SPAG6: variants seen among roughly 807,000 people sequenced by gnomAD.
The protein encoded by SPAG6 is sperm associated antigen 6.
Under a neutral mutation model 58.5 loss-of-function variants are expected in SPAG6, and 49 were observed. The observed-to-expected ratio is 0.84, with a 90% CI of 0.67 to 1.06. The LOEUF (loss-of-function observed/expected upper bound fraction) is 1.06. SPAG6 is among the 50% of genes least tolerant of loss of function. SPAG6 has a pLI of 0.00. For synonymous variants in SPAG6, 233 were observed against 225.6 expected (o/e 1.03, Z -0.29); for missense variants, 560 against 611.3 (o/e 0.92, Z 0.89).
At chr10:22,387,455 A>C (rs1436129735) in intron 5 of SPAG6, among the ~76,000 whole-genome samples, 1 of 152,180 alleles carries the variant, frequency 6.6e-6, no homozygotes, top group Non-Finnish European at 1.5e-5. Context: ...TATCAGCATC[A>C]TGTCAAAGAT....
chr10:22,377,792 C>G (rs1383368026), intron 4 of SPAG6, among the ~76,000 whole-genome samples: 1 of 152,168 alleles, frequency 6.6e-6, no homozygotes, highest in African/African-American at 2.4e-5. Context: ...TTTACCTGTT[C>G]TAGAGAATCC....
chr10:22,391,072 T>C (rs1834173304), intron 7 of SPAG6, among the ~76,000 whole-genome samples: 1 of 152,226 alleles, frequency 6.6e-6, no homozygotes, highest in Admixed American at 6.5e-5. Context: ...ATTCTGTTTT[T>C]ATTGTTTAGA....
At chr10:22,383,339 G>T (rs201404987) in intron 4 of SPAG6, among the ~76,000 whole-genome samples, 1 of 151,958 alleles carries the variant, frequency 6.6e-6, no homozygotes, top group East Asian at 1.9e-4. Flanking sequence ...GGTTTTTTTC[G>T]AGTAGAAAAT....
chr10:22,417,097 T>C lies in SPAG6; in HGVS notation c.*409T>C, dbSNP rs115505763. 1,224 of 155,122 alleles carry C rather than the reference T, an allele frequency of 7.9e-3. 14 individuals carry two copies. Among genetic ancestry groups the C allele is most frequent in the African/African-American group, 0.027 (1,133 of 41,586 alleles). 9.6% of individuals were successfully genotyped at this position (155,122 alleles called of 1,614,324 possible). A position where few individuals can be genotyped will look rare whatever the true frequency, so the allele number is the denominator to read the frequency against. On this transcript the variant is annotated 3_prime_UTR_variant, in exon 11 of 11. Transcript: ENST00000376624. ...GCTGGCCTTGCTAACTATATAGTAG[T>C]ATACACAAGAGAAATCTTTGAAGGA...
At chr10:22,382,527 A>G (rs1471769365) in intron 4 of SPAG6, among the ~76,000 whole-genome samples, 1 of 152,160 alleles carries the variant, frequency 6.6e-6, no homozygotes, top group East Asian at 1.9e-4. Context: ...AAAGTAAATG[A>G]ATATTATTTC....
intron 2 of SPAG6, among the ~76,000 whole-genome samples, chr10:22,346,363 GGA>G (rs1269312326): frequency 1.3e-5 from 2 of 152,000 alleles, no homozygotes; most frequent in African/African-American, 4.8e-5. Flanking sequence ...TGTGAGAGGG[GGA>G]GAGAGGGGGA....
chr10:22,380,518 G>C (rs549842929), intron 4 of SPAG6, among the ~76,000 whole-genome samples: 7 of 152,120 alleles, frequency 4.6e-5, no homozygotes, highest in South Asian at 2.1e-4. Flanking sequence ...TGTTGTCCAA[G>C]CTGGTTTTGA....
At chr10:22,348,250 AAGCAC>A (rs1836622365) in intron 2 of SPAG6, among the ~76,000 whole-genome samples, 1 of 152,194 alleles carries the variant, frequency 6.6e-6, no homozygotes, top group Admixed American at 6.5e-5. Flanking sequence ...TGGCCTCCCA[AAGCAC>A]TGGGATTGCG....
intron 9 of SPAG6, among the ~76,000 whole-genome samples, chr10:22,403,209 G>T (rs1253955374): frequency 7.9e-5 from 12 of 151,912 alleles, no homozygotes; most frequent in Non-Finnish European, 1.2e-4. Flanking sequence ...ATGTATACAT[G>T]TGCCGTGCTG....
At chr10:22,388,402 A>G (rs758624562) in intron 6 of SPAG6, among the ~76,000 whole-genome samples, 1 of 152,158 alleles carries the variant, frequency 6.6e-6, no homozygotes, top group Non-Finnish European at 1.5e-5. Flanking sequence ...TTGTGAGGAC[A>G]ATGGAACTTT....
intron 4 of SPAG6, among the ~76,000 whole-genome samples, chr10:22,371,403 C>A (rs1169961772): frequency 1.3e-5 from 2 of 151,952 alleles, no homozygotes; most frequent in African/African-American, 4.8e-5. Flanking sequence ...ACAGGCACAC[C>A]CCACCATGCC....
intron 6 of SPAG6, among the ~76,000 whole-genome samples, 180 bp from the exon 7 acceptor site, chr10:22,388,980 C>T (rs1317570339): frequency 6.6e-6 from 1 of 152,130 alleles, no homozygotes; most frequent in Admixed American, 6.6e-5. Flanking sequence ...ACAGTTTGTG[C>T]ATTTGAACTA....
At chr10:22,366,772 A>G (rs1837213796) in intron 3 of SPAG6, among the ~76,000 whole-genome samples, 3 of 152,194 alleles carry the variant, frequency 2.0e-5, no homozygotes. Flanking sequence ...TTTTGAGAGC[A>G]GAGTCTGTAT....
chr10:22,416,943 A>C lies in SPAG6; in HGVS notation c.*255A>C. ...AAAACACGTTAAAGGGCCTTAAGGC[A>C]TTTTGTTATTCTGTTAAAAACCACA... On this transcript the variant is annotated 3_prime_UTR_variant, in exon 11 of 11. Transcript: ENST00000376624. 3.4e-6 allele frequency: 1 copy of C among 294,690 alleles called. No homozygotes were observed. Among genetic ancestry groups the C allele is most frequent in the Non-Finnish European group, 6.4e-6 (1 of 155,652 alleles). The allele number at this position is 294,690 out of a possible 1,614,324, so 18.3% of individuals were successfully genotyped here.
intron 8 of SPAG6, among the ~76,000 whole-genome samples, chr10:22,393,757 C>T (rs540012394): frequency 3.9e-5 from 6 of 152,216 alleles, no homozygotes; most frequent in South Asian, 4.1e-4. Flanking sequence ...TCTTTCCCCA[C>T]GGTCTCGTGA....
At chr10:22,375,175 T>A (rs973826308) in intron 4 of SPAG6, among the ~76,000 whole-genome samples, 4 of 152,226 alleles carry the variant, frequency 2.6e-5, no homozygotes, top group Admixed American at 1.3e-4. Flanking sequence ...TGTTTTCCAG[T>A]CACTGGCGTA....
intron 4 of SPAG6, among the ~76,000 whole-genome samples, chr10:22,378,673 G>A (rs1377117367): frequency 3.9e-5 from 6 of 152,148 alleles, no homozygotes; most frequent in African/African-American, 1.4e-4. Context: ...TGCTAAATTA[G>A]TGGTGGGGAT....
At chr10:22,397,554 G>T (rs1442922321) in intron 8 of SPAG6, among the ~76,000 whole-genome samples, 1 of 152,146 alleles carries the variant, frequency 6.6e-6, no homozygotes, top group African/African-American at 2.4e-5. Flanking sequence ...GAGCTCAAAT[G>T]ATCCACCTGC....
chr10:22,369,759 A>C (rs1484495902), intron 4 of SPAG6, among the ~76,000 whole-genome samples: 1 of 152,228 alleles, frequency 6.6e-6, no homozygotes, highest in African/African-American at 2.4e-5. Context: ...GACATATGGC[A>C]ATACTCAGTA....
Sources: gnomAD v4.1 joint callset for allele counts (sites outside exome capture counted in the v4.1 genomes callset) on GRCh38, gnomAD v4.1.1 for gene constraint, MANE v1.5 for transcripts, NCBI Gene and HGNC (gene_info 2026-07-23, HGNC 2026-07-21) for gene names.